The following FOXK1 variants were observed in gnomAD, a reference collection of about 807,000 sequenced individuals.
FOXK1 encodes the protein forkhead box K1.
In FOXK1, 19 loss-of-function variants were observed where a neutral mutation model predicts 51.9. That is an observed-to-expected ratio of 0.37 (90% CI 0.26 to 0.54). The LOEUF (loss-of-function observed/expected upper bound fraction) is 0.54. Among genes scored for constraint, FOXK1 ranks in the 20% least tolerant of loss-of-function variants. The probability of loss-of-function intolerance (pLI) is 0.87; values close to 1 mark genes in which losing one functional copy is unlikely to be tolerated. For missense variants in FOXK1, 870 were observed against 1,032.7 expected, an observed-to-expected ratio of 0.84 and a Z score of 2.16; for synonymous variants, 537 against 482.6, an observed-to-expected ratio of 1.11 and a Z score of -1.48.
Position 4,761,291 on chromosome 7 carries a change from G to A in FOXK1, c.1921+3G>A, listed in dbSNP as rs765786255. On this transcript the variant is annotated splice_donor_region_variant and intron_variant, in intron 8 of 8. Transcript: ENST00000328914. This position sits in a 1 kb window ranked among gnomAD's most constrained non-coding sequence, Gnocchi z 6.2. The stretch of plus-strand genomic sequence containing the variant: ...CAGTTTAGCCGGCAACGCTTACGGT[G>A]AGGCCCTGGCCCTGTTCTCCATGCC... 7 of 1,610,670 alleles carry A rather than the reference G, an allele frequency of 4.3e-6. No homozygotes were observed. In the East Asian group the frequency reaches 8.9e-5, roughly 21 times the overall value.
intron 1 of FOXK1, among the ~76,000 whole-genome samples, chr7:4,690,144 C>T (rs1779873654): frequency 6.6e-6 from 1 of 152,182 alleles, no homozygotes; most frequent in Non-Finnish European, 1.5e-5. Context: ...CTCCTGAGAC[C>T]TGGTGGCCCC....
At position 4,758,405 on chromosome 7, in the gene FOXK1, G is replaced by A. The variant is rs1043217323; in HGVS notation, c.1245-646G>A. 1 of 152,376 alleles carries A rather than the reference G, an allele frequency of 6.6e-6. No individual in the cohort carries two copies. Among genetic ancestry groups the A allele is most frequent in the Non-Finnish European group, 1.5e-5 (1 of 68,158 alleles). 9.4% of individuals were successfully genotyped at this position (152,376 alleles called of 1,614,324 possible). On this transcript the variant is annotated intron_variant, in intron 5 of 8. Coordinates refer to ENST00000328914, the MANE Select transcript of FOXK1 (RefSeq NM_001037165.2). The surrounding 1 kb of genome is among the most constrained non-coding windows in gnomAD (Gnocchi z 4.4). ...ATGAGCCCGTCCCAGGTGTCGAGGA[G>A]GAGATCTCCTGAGCGGCAGTCTCGG...
rs566490927 is a variant in FOXK1 at position 4,709,924 on chromosome 7, G to A, written c.560+27056G>A. On this transcript the variant is annotated intron_variant, in intron 1 of 8. Transcript: ENST00000328914. This position sits in a 1 kb window ranked among gnomAD's most constrained non-coding sequence, Gnocchi z 5.6. ...GACACGTTTGAACACGGAAGAACAC[G>A]GAAGCCTGTGTGTTAGGCGTTAACA... 1.3e-5 allele frequency among the ~76,000 whole-genome samples: 2 copies of A among 152,330 alleles called. No individual in the cohort carries two copies. Among genetic ancestry groups the A allele is most frequent in the South Asian group, 2.1e-4 (1 of 4,828 alleles).
At chr7:4,708,305 C>T (rs1037443102) in intron 1 of FOXK1, among the ~76,000 whole-genome samples, 11 of 152,248 alleles carry the variant, frequency 7.2e-5, no homozygotes, top group African/African-American at 2.4e-4. Flanking sequence ...ACCTAGTTGC[C>T]GCAGTGACCC....
rs1780729548 is a variant in FOXK1 at position 4,748,123 on chromosome 7, A to G, written c.747-6336A>G. 6.6e-6 allele frequency among the ~76,000 whole-genome samples: 1 copy of G among 152,084 alleles called. No homozygotes were observed. Among genetic ancestry groups the G allele is most frequent in the South Asian group, 2.1e-4 (1 of 4,830 alleles). The stretch of plus-strand genomic sequence containing the variant: ...CCTATTTGTTTATTTTTCCTTTTTC[A>G]GATTACGAAGAGACTATCTATCTAT... On this transcript the variant is annotated intron_variant, in intron 2 of 8. Coordinates refer to ENST00000328914, the MANE Select transcript of FOXK1 (RefSeq NM_001037165.2). This position sits in a 1 kb window ranked among gnomAD's most constrained non-coding sequence, Gnocchi z 4.9.
At chr7:4,721,477 G>C (rs1157749032) in intron 1 of FOXK1, among the ~76,000 whole-genome samples, 2 of 151,990 alleles carry the variant, frequency 1.3e-5, no homozygotes, top group Non-Finnish European at 2.9e-5. Context: ...GTTAACTTCA[G>C]AAAGAACTTT....
In FOXK1 at chr7:4,762,116, G is replaced by A; in HGVS notation, c.1922-68G>A. The A allele has an allele frequency of 1.3e-6, 2 of 1,495,040 alleles. No homozygotes were observed. The highest frequency in any genetic ancestry group is 1.8e-6 in the Non-Finnish European group (2 of 1,112,940). 92.6% of individuals were successfully genotyped at this position (1,495,040 alleles called of 1,614,324 possible). On this transcript the variant is annotated intron_variant, in intron 8 of 8. Coordinates refer to ENST00000328914, the MANE Select transcript of FOXK1 (RefSeq NM_001037165.2). This position sits in a 1 kb window ranked among gnomAD's most constrained non-coding sequence, Gnocchi z 5.7. ...GGCTTGGTGGCTTAGCCCCTGTATA[G>A]GGGACTTGAAAAAAGCAGCTGGGTC...
At position 4,745,544 on chromosome 7, in the gene FOXK1, C is replaced by T. The variant is rs1417107071; in HGVS notation, c.746+4521C>T. On this transcript the variant is annotated intron_variant, in intron 2 of 8. Coordinates refer to ENST00000328914, the MANE Select transcript of FOXK1 (RefSeq NM_001037165.2). The surrounding 1 kb of genome is among the most constrained non-coding windows in gnomAD (Gnocchi z 4.3). ...ACTCCACCCAGAAAATGAATGAACT[C>T]TCTTTGAAATAAATTCTGCTATCTT... is the stretch of plus-strand genomic sequence containing the variant. Among the ~76,000 whole-genome samples, 1 of 152,156 alleles carries T rather than the reference C, an allele frequency of 6.6e-6. No homozygotes were observed. The highest frequency in any genetic ancestry group is 1.5e-5 in the Non-Finnish European group (1 of 68,036).
chr7:4,685,199 C>T lies in FOXK1; in HGVS notation c.560+2331C>T, dbSNP rs147112878. On this transcript the variant is annotated intron_variant, in intron 1 of 8. Coordinates refer to ENST00000328914, the MANE Select transcript of FOXK1 (RefSeq NM_001037165.2). ...ACATTAAGTGGATGTCCATGTCCAC[C>T]CTCCTAGAAAAGAGCTATTTGCTTT... 2.2e-3 allele frequency among the ~76,000 whole-genome samples: 325 copies of T among 150,560 alleles called. 1 individual carries two copies. The highest frequency in any genetic ancestry group is 7.3e-3 in the African/African-American group (300 of 41,058).
At chr7:4,694,645 G>A (rs1362845473) in intron 1 of FOXK1, among the ~76,000 whole-genome samples, 2 of 152,248 alleles carry the variant, frequency 1.3e-5, no homozygotes, top group Non-Finnish European at 2.9e-5. Flanking sequence ...GCAGCATATG[G>A]AACCCAAAAA....
Position 4,708,862 on chromosome 7 carries a change from C to T in FOXK1, c.560+25994C>T, listed in dbSNP as rs1010278390. 4.6e-5 allele frequency among the ~76,000 whole-genome samples: 7 copies of T among 152,222 alleles called. 1 individual carries two copies. The East Asian group carries it at 9.7e-4, about 21-fold the overall frequency. On this transcript the variant is annotated intron_variant, in intron 1 of 8. Coordinates refer to ENST00000328914, the MANE Select transcript of FOXK1 (RefSeq NM_001037165.2). ...GGCGGATCACCTGAGGTCAGGAGTT[C>T]AAGACCATCCTGGTCAACATAGTGA...
chr7:4,746,808 C>G (rs531549968), intron 2 of FOXK1, among the ~76,000 whole-genome samples: 9 of 152,356 alleles, frequency 5.9e-5, no homozygotes, highest in African/African-American at 2.2e-4. Flanking sequence ...TCCTGCCTGG[C>G]TGATCTGGGC....
Position 4,761,601 on chromosome 7 carries a change from C to G in FOXK1, c.1921+313C>G, listed in dbSNP as rs1031592885. Among the ~76,000 whole-genome samples the G allele has an allele frequency of 2.0e-5, 3 of 152,062 alleles. No homozygotes were observed. The highest frequency in any genetic ancestry group is 4.4e-5 in the Non-Finnish European group (3 of 68,026). The stretch of plus-strand genomic sequence containing the variant: ...AAACTTAGCCAGGTGTGGTGTTGCA[C>G]GCTCATGGTCCCAGCTGCTTGGGAG... On this transcript the variant is annotated intron_variant, in intron 8 of 8. Coordinates refer to ENST00000328914, the MANE Select transcript of FOXK1 (RefSeq NM_001037165.2). The surrounding 1 kb of genome is among the most constrained non-coding windows in gnomAD (Gnocchi z 6.2).
intron 1 of FOXK1, among the ~76,000 whole-genome samples, chr7:4,739,926 A>C (rs368325921): frequency 6.6e-6 from 1 of 152,198 alleles, no homozygotes; most frequent in East Asian, 1.9e-4. Flanking sequence ...GTCTGTCTGG[A>C]GCCTGCGTGG....
intron 1 of FOXK1, among the ~76,000 whole-genome samples, chr7:4,701,176 G>C (rs546234217): frequency 6.6e-6 from 1 of 152,220 alleles, no homozygotes; most frequent in Non-Finnish European, 1.5e-5. Context: ...AAGGCTGCAC[G>C]ATCAGAGCTA....
Position 4,761,385 on chromosome 7 carries a change from C to T in FOXK1, c.1921+97C>T, listed in dbSNP as rs1345485224. 6 of 1,211,736 alleles carry T rather than the reference C, an allele frequency of 5.0e-6. No homozygotes were observed. The Admixed American group carries it at 8.1e-5, about 16-fold the overall frequency. 75.1% of individuals were successfully genotyped at this position (1,211,736 alleles called of 1,614,324 possible). A position where few individuals can be genotyped will look rare whatever the true frequency, so the allele number is the denominator to read the frequency against. ...AATGTTCTCCCAGTATCTCCCGATC[C>T]TCCACTCAGTTCAATTTATTGAGCA... On this transcript the variant is annotated intron_variant, in intron 8 of 8. Transcript: ENST00000328914. The surrounding 1 kb of genome is among the most constrained non-coding windows in gnomAD (Gnocchi z 6.2).
chr7:4,720,536 T>G (rs995081737), intron 1 of FOXK1, among the ~76,000 whole-genome samples: 3 of 152,166 alleles, frequency 2.0e-5, no homozygotes, highest in Admixed American at 6.5e-5. Flanking sequence ...GATGTAAAAT[T>G]TCCCCTGTGC....
At position 4,754,601 on chromosome 7, in the gene FOXK1, G is replaced by A. The variant is rs751036398; in HGVS notation, c.889G>A (p.Gly297Arg). The A allele has an allele frequency of 4.7e-5, 76 of 1,604,692 alleles. No homozygotes were observed. The Admixed American group carries it at 1.3e-3, about 26-fold the overall frequency. Residue 297 changes from glycine to arginine, a missense_variant, in exon 3 of 9, where the codon GGA (glycine) becomes AGA (arginine). Physicochemically the swap from Gly to Arg is moderately radical, Grantham distance 125. Around this residue, in one of 3 missense-constraint regions of FOXK1, gnomAD observed 399 missense variants for 475.6 expected, o/e 0.84. Coordinates refer to ENST00000328914, the MANE Select transcript of FOXK1 (RefSeq NM_001037165.2). ...ASEQQADTSGGDSPKDESKPP... is the reference protein window; with the variant it reads ...ASEQQADTSGRDSPKDESKPP... ...GGAGCAGCAGGCAGACACGTCTGGA[G>A]GAGACAGCCCCAAGGTCTGAGCCCA...
Position 4,768,293 on chromosome 7 carries a change from C to T in FOXK1, c.*5829C>T, listed in dbSNP as rs549957432. ...GACTACAGGCGCCCGCTACCACGCCCGGCTAATTTTTTGTATTTTTAGTAG... is the reference window on the plus strand; with the variant it reads ...GACTACAGGCGCCCGCTACCACGCCTGGCTAATTTTTTGTATTTTTAGTAG... On this transcript the variant is annotated 3_prime_UTR_variant, in exon 9 of 9. Transcript: ENST00000328914. 5.4e-5 allele frequency: 8 copies of T among 146,862 alleles called. No homozygotes were observed. Among genetic ancestry groups the T allele is most frequent in the Admixed American group, 1.3e-4 (2 of 15,042 alleles). The allele number at this position is 146,862 out of a possible 1,614,324, so 9.1% of individuals were successfully genotyped here.
Sources: allele counts gnomAD v4.1 joint callset (sites outside exome capture counted in the v4.1 genomes callset), GRCh38; gene constraint gnomAD v4.1.1; regional missense constraint gnomAD v4.1.1; non-coding constraint Gnocchi (gnomAD v3.1); transcripts MANE v1.5; gene names NCBI Gene and HGNC (gene_info 2026-07-23, HGNC 2026-07-21).